The following DEPDC5 variants were observed in gnomAD, a reference collection of about 807,000 sequenced individuals.
The protein encoded by DEPDC5 is DEP domain containing 5, GATOR1 subcomplex subunit.
In DEPDC5, 73 loss-of-function variants were observed where a neutral mutation model predicts 217.3. The ratio of observed to expected loss-of-function variants is 0.34; its 90% CI spans 0.28 to 0.41. The LOEUF (loss-of-function observed/expected upper bound fraction) is 0.41. DEPDC5 is among the 10% of genes least tolerant of loss of function. The probability of loss-of-function intolerance (pLI) is 1.00; values close to 1 mark genes in which losing one functional copy is unlikely to be tolerated. For missense variants in DEPDC5, 1,675 were observed against 2,070.1 expected, an observed-to-expected ratio of 0.81 and a Z score of 3.70; for synonymous variants, 733 against 756.7, an observed-to-expected ratio of 0.97 and a Z score of 0.51.
chr22:31,851,066 C>CAA (rs136861), intron 31 of DEPDC5, among the ~76,000 whole-genome samples: 4 of 115,248 alleles, frequency 3.5e-5, no homozygotes, highest in Admixed American at 8.9e-5. Context: ...GACTCCGTCT[C>CAA]AAAAAAAAAA....
At chr22:31,781,723 C>T (rs2084462244) in intron 8 of DEPDC5, among the ~76,000 whole-genome samples, 1 of 152,104 alleles carries the variant, frequency 6.6e-6, no homozygotes, top group Non-Finnish European at 1.5e-5. Flanking sequence ...AGCCACCACA[C>T]CTGGCCAAAA....
intron 20 of DEPDC5, 86 bp from the exon 21 acceptor site, chr22:31,814,906 C>T: frequency 6.8e-7 from 1 of 1,473,232 alleles, no homozygotes; most frequent in Non-Finnish European, 9.4e-7. Flanking sequence ...TTCCATGTGG[C>T]TTGGGCTGGT....
At chr22:31,764,120 G>C (rs1012518772) in intron 4 of DEPDC5, among the ~76,000 whole-genome samples, 3 of 151,802 alleles carry the variant, frequency 2.0e-5, no homozygotes, top group African/African-American at 7.3e-5. Flanking sequence ...TTTTAGTAGA[G>C]GCGGGGTTTC....
At chr22:31,761,272 C>T (rs1029991605) in intron 4 of DEPDC5, among the ~76,000 whole-genome samples, 32 of 152,284 alleles carry the variant, frequency 2.1e-4, no homozygotes, top group African/African-American at 7.7e-4. Flanking sequence ...TGAGCCACCA[C>T]ACCCAGCCTG....
chr22:31,843,902 C>T (rs2091551997), intron 29 of DEPDC5, 90 bp downstream of exon 29: 5 of 1,324,242 alleles, frequency 3.8e-6, no homozygotes, highest in Non-Finnish European at 5.0e-6. Flanking sequence ...TTCTCTCTCT[C>T]TCCCTTTTTC....
intron 8 of DEPDC5, among the ~76,000 whole-genome samples, chr22:31,781,800 G>A (rs1355931177): frequency 3.3e-5 from 5 of 152,272 alleles, no homozygotes; most frequent in Non-Finnish European, 5.9e-5. Flanking sequence ...TTGAGAGGCC[G>A]AGGTGGGGGG....
Position 31,778,026 on chromosome 22 carries a change from G to T in DEPDC5, c.414-73G>T, listed in dbSNP as rs933934351. 23 of 1,537,534 alleles carry T rather than the reference G, an allele frequency of 1.5e-5. No homozygotes were observed. The African/African-American group carries it at 3.0e-4, about 20-fold the overall frequency. On this transcript the variant is annotated intron_variant, in intron 7 of 42. Coordinates refer to ENST00000651528, the MANE Select transcript of DEPDC5 (RefSeq NM_001242896.3). ...GCTTCCCAAAGTGCTGGGATTACAG[G>T]CGTGAGCTATTGCACCAGGCATGTA...
intron 27 of DEPDC5, among the ~76,000 whole-genome samples, chr22:31,839,961 T>C (rs751162626): frequency 1.3e-5 from 2 of 152,050 alleles, no homozygotes; most frequent in Non-Finnish European, 2.9e-5. Flanking sequence ...GGAGACCCTG[T>C]CTCTAAAAAG....
intron 32 of DEPDC5, 114 bp downstream of exon 32, chr22:31,857,667 A>C: frequency 1.2e-6 from 1 of 817,014 alleles, no homozygotes; most frequent in Non-Finnish European, 2.0e-6. Flanking sequence ...CTTTGGATGA[A>C]TTCTACCCTG....
chr22:31,835,544 G>A (rs2090930230), intron 25 of DEPDC5, among the ~76,000 whole-genome samples: 1 of 152,150 alleles, frequency 6.6e-6, no homozygotes. Flanking sequence ...CAAGATTTTT[G>A]TAATCCTGAG....
intron 21 of DEPDC5, chr22:31,817,178 T>C (rs2089224029): frequency 1.2e-5 from 2 of 160,814 alleles, no homozygotes; most frequent in South Asian, 1.6e-4. Flanking sequence ...GGCGTGATCT[T>C]GGCTCACTGC....
intron 26 of DEPDC5, 124 bp downstream of exon 26, chr22:31,837,279 T>A: frequency 1.1e-6 from 1 of 925,512 alleles, no homozygotes; most frequent in Non-Finnish European, 1.6e-6. Context: ...TGGAACGATA[T>A]AGAGGAGATT....
rs746960606 is a variant in DEPDC5 at position 31,906,514 on chromosome 22, T to G, written c.*17T>G. 3 of 1,554,458 alleles carry G rather than the reference T, an allele frequency of 1.9e-6. No homozygotes were observed. The highest frequency in any genetic ancestry group is 2.6e-6 in the Non-Finnish European group (3 of 1,133,358). On this transcript the variant is annotated 3_prime_UTR_variant, in exon 43 of 43. Transcript: ENST00000651528. This position sits in a 1 kb window ranked among gnomAD's most constrained non-coding sequence, Gnocchi z 5.1. ...GCCCCGTGAGGCCAGGCTGCACCTG[T>G]GCTGGGGGAAGGTGGGTGAGCCACT...
At chr22:31,806,039 A>G (rs1271458340) in intron 17 of DEPDC5, 83 bp from the exon 18 acceptor site, 1 of 1,228,724 alleles carries the variant, frequency 8.1e-7, no homozygotes, top group Non-Finnish European at 1.2e-6. Context: ...AGGAGGGCTG[A>G]TCCATGCCTA....
At chr22:31,798,685 C>G (rs1173189333) in intron 14 of DEPDC5, 29 bp downstream of exon 14, 1 of 1,600,660 alleles carries the variant, frequency 6.2e-7, no homozygotes, top group Non-Finnish European at 8.5e-7. Context: ...CATGAGCCAG[C>G]ATCTTGCCTA....
intron 33 of DEPDC5, among the ~76,000 whole-genome samples, chr22:31,869,912 G>A (rs1301418031): frequency 6.6e-6 from 1 of 152,170 alleles, no homozygotes; most frequent in African/African-American, 2.4e-5. Flanking sequence ...TGCAATCAGG[G>A]GCTATTTAGA....
At chr22:31,884,907 G>T (rs2093269237) in intron 38 of DEPDC5, among the ~76,000 whole-genome samples, 1 of 152,108 alleles carries the variant, frequency 6.6e-6, no homozygotes, top group Admixed American at 6.5e-5. Context: ...TTTCTTTCCT[G>T]CTCTACATCC....
At chr22:31,799,404 A>T (rs1569524209) in intron 14 of DEPDC5, among the ~76,000 whole-genome samples, 1 of 150,738 alleles carries the variant, frequency 6.6e-6, no homozygotes, top group Non-Finnish European at 1.5e-5. Context: ...CAGGTTTGTT[A>T]CATAGATATA....
intron 23 of DEPDC5, 69 bp downstream of exon 23, chr22:31,821,706 A>C: frequency 6.4e-7 from 1 of 1,570,848 alleles, no homozygotes; most frequent in South Asian, 1.1e-5. Flanking sequence ...CAATGTGCAG[A>C]ACAGACTATT....
Sources: allele counts gnomAD v4.1 joint callset (sites outside exome capture counted in the v4.1 genomes callset), GRCh38; gene constraint gnomAD v4.1.1; non-coding constraint Gnocchi (gnomAD v3.1); transcripts MANE v1.5; gene names NCBI Gene and HGNC (gene_info 2026-07-23, HGNC 2026-07-21).